The following MYO1B variants were observed in gnomAD, a reference collection of about 807,000 sequenced individuals.
MYO1B encodes myosin IB, also known as unconventional myosin-Ib.
In MYO1B, 72 loss-of-function variants were observed where a neutral mutation model predicts 159.7. The observed-to-expected ratio is 0.45, with a 90% CI of 0.37 to 0.55. The LOEUF (loss-of-function observed/expected upper bound fraction) is 0.55. Among genes scored for constraint, MYO1B ranks in the 20% least tolerant of loss-of-function variants. MYO1B has a pLI of 0.00. For missense variants in MYO1B, 1,062 were observed against 1,364.8 expected, an observed-to-expected ratio of 0.78 and a Z score of 3.50; for synonymous variants, 468 against 473.8, an observed-to-expected ratio of 0.99 and a Z score of 0.16.
chr2:191,421,513 C>T (rs1697940182), intron 30 of MYO1B, among the ~76,000 whole-genome samples: 1 of 152,050 alleles, frequency 6.6e-6, no homozygotes, highest in African/African-American at 2.4e-5. Flanking sequence ...CCCTCTGTCA[C>T]CCAGGTCAGA....
At position 191,277,982 on chromosome 2, in the gene MYO1B, C is replaced by T. The variant is rs530804709; in HGVS notation, c.135+952C>T. ...GATAATACAGTGATACAAGTAGGAT[C>T]AGTTATAACTTTTGTGGAACTAATA... On this transcript the variant is annotated intron_variant, in intron 2 of 30. Transcript: ENST00000392318. Among the ~76,000 whole-genome samples the T allele has an allele frequency of 9.9e-5, 15 of 152,270 alleles. No individual in the cohort carries two copies. In the South Asian group the frequency reaches 2.3e-3, roughly 23 times the overall value.
intron 13 of MYO1B, chr2:191,377,593 T>A (rs1694788368): frequency 6.6e-6 from 1 of 152,146 alleles, no homozygotes; most frequent in Non-Finnish European, 1.5e-5. Context: ...CTAGTCTCAG[T>A]TTAGCTATTT....
chr2:191,361,731 A>T (rs2126012496), intron 8 of MYO1B, among the ~76,000 whole-genome samples: 1 of 152,150 alleles, frequency 6.6e-6, no homozygotes, highest in African/African-American at 2.4e-5. Context: ...ATCTGTGTAG[A>T]GCTGCGGGTG....
At chr2:191,294,632 G>T (rs2125806846) in intron 2 of MYO1B, among the ~76,000 whole-genome samples, 1 of 152,266 alleles carries the variant, frequency 6.6e-6, no homozygotes. Flanking sequence ...CATTGTTTGT[G>T]AGGCCAGATT....
At chr2:191,247,921 G>C (rs901381097) in intron 1 of MYO1B, 30 of 984,964 alleles carry the variant, frequency 3.0e-5, no homozygotes, top group Non-Finnish European at 3.6e-5. Flanking sequence ...GTCAAGCCTG[G>C]AGTTAAAGAC....
intron 4 of MYO1B, among the ~76,000 whole-genome samples, chr2:191,333,914 G>T (rs959900827): frequency 2.0e-5 from 3 of 152,176 alleles, no homozygotes; most frequent in African/African-American, 7.2e-5. Context: ...TAGAAACTCT[G>T]TTCCTTGCTG....
chr2:191,409,044 G>T lies in MYO1B; in HGVS notation c.2632G>T (p.Val878Leu). 2.5e-6 allele frequency: 4 copies of T among 1,608,830 alleles called. No homozygotes were observed. Among genetic ancestry groups the T allele is most frequent in the Non-Finnish European group, 3.4e-6 (4 of 1,178,690 alleles). The change falls in exon 26 of 31, where the codon GTG becomes TTG. Residue 878 changes from valine (V) to leucine (L), a missense_variant and splice_region_variant. By Grantham distance (32) the Val-to-Leu change is conservative. Transcript: ENST00000392318. ...KIYEFTLQRIVQKYFLEMKNK... is the reference protein window; with the variant it reads ...KIYEFTLQRILQKYFLEMKNK... ...AGTATTTTCTGTCAACCCAACACAG[G>T]TGCAAAAATACTTCTTGGAAATGAA...
intron 29 of MYO1B, 78 bp from the exon 30 acceptor site, chr2:191,416,037 A>G: frequency 1.4e-6 from 2 of 1,440,900 alleles, no homozygotes; most frequent in Non-Finnish European, 1.9e-6. Flanking sequence ...GACTGTAAGT[A>G]TGTTTTTAGC....
At chr2:191,414,754 T>TTA in intron 29 of MYO1B, 85 bp downstream of exon 29, 1 of 1,440,018 alleles carries the variant, frequency 6.9e-7, no homozygotes, top group Non-Finnish European at 9.2e-7. Flanking sequence ...CTATCGCAGT[T>TTA]TATATATCTG....
intron 27 of MYO1B, among the ~76,000 whole-genome samples, chr2:191,412,102 T>C (rs1003590327): frequency 1.3e-5 from 2 of 152,240 alleles, no homozygotes; most frequent in African/African-American, 2.4e-5. Flanking sequence ...TTTTAAATTG[T>C]ACAACTTCAT....
intron 30 of MYO1B, among the ~76,000 whole-genome samples, chr2:191,417,754 C>A (rs915547443): frequency 1.3e-5 from 2 of 152,206 alleles, no homozygotes; most frequent in African/African-American, 4.8e-5. Context: ...AATTTAAAAT[C>A]TTTCTTCACT....
chr2:191,406,606 A>C (rs1446678557), intron 24 of MYO1B, among the ~76,000 whole-genome samples: 1 of 152,138 alleles, frequency 6.6e-6, no homozygotes, highest in Non-Finnish European at 1.5e-5. Context: ...GAGATGGGAG[A>C]ATGGCCAATG....
At chr2:191,402,815 CT>C in intron 24 of MYO1B, 97 bp downstream of exon 24, 1 of 898,486 alleles carries the variant, frequency 1.1e-6, no homozygotes, top group Non-Finnish European at 1.7e-6. Flanking sequence ...TGCTGATGGT[CT>C]GCACAGTCTT....
At chr2:191,412,853 A>T (rs1006642842) in intron 27 of MYO1B, among the ~76,000 whole-genome samples, 1 of 152,216 alleles carries the variant, frequency 6.6e-6, no homozygotes, top group Non-Finnish European at 1.5e-5. Flanking sequence ...GGGAAAAAAA[A>T]AATTGCCCTG....
At chr2:191,325,016 G>T (rs1690961706) in intron 3 of MYO1B, among the ~76,000 whole-genome samples, 1 of 152,138 alleles carries the variant, frequency 6.6e-6, no homozygotes, top group Non-Finnish European at 1.5e-5. Context: ...AGGTTTCCAT[G>T]CAAAACACAC....
At chr2:191,373,423 CA>C (rs1195914587) in intron 13 of MYO1B, among the ~76,000 whole-genome samples, 1 of 152,190 alleles carries the variant, frequency 6.6e-6, no homozygotes, top group Non-Finnish European at 1.5e-5. Flanking sequence ...AGATTCCAAA[CA>C]TGTGGTGTTC....
intron 7 of MYO1B, 112 bp downstream of exon 7, chr2:191,350,337 C>T: frequency 4.4e-6 from 3 of 689,186 alleles, no homozygotes; most frequent in Non-Finnish European, 7.2e-6. Flanking sequence ...TGTTTCCTTG[C>T]TTTATATTTA....
chr2:191,367,151 T>G (rs1374590290), intron 11 of MYO1B, among the ~76,000 whole-genome samples: 3 of 151,730 alleles, frequency 2.0e-5, no homozygotes, highest in Admixed American at 6.6e-5. Context: ...GCACTTTGAG[T>G]CTTCCCTCGT....
intron 3 of MYO1B, among the ~76,000 whole-genome samples, chr2:191,296,712 G>C (rs183132333): frequency 1.3e-5 from 2 of 152,304 alleles, no homozygotes; most frequent in East Asian, 3.9e-4. Context: ...ACTTACTCTG[G>C]AAAGTCACTT....
Sources: allele counts gnomAD v4.1 joint callset (sites outside exome capture counted in the v4.1 genomes callset), GRCh38; gene constraint gnomAD v4.1.1; transcripts MANE v1.5; gene names NCBI Gene and HGNC (gene_info 2026-07-23, HGNC 2026-07-21).